Variants in EYA1 observed in about 807,000 individuals in gnomAD.
EYA1 encodes the protein EYA transcriptional coactivator and phosphatase 1.
Under a neutral mutation model 82.0 loss-of-function variants are expected in EYA1, and 16 were observed. The ratio of observed to expected loss-of-function variants is 0.20; its 90% CI spans 0.13 to 0.30. The LOEUF (loss-of-function observed/expected upper bound fraction) is 0.30, where lower values mean the gene tolerates loss of function less well. Among genes scored for constraint, EYA1 ranks in the 10% least tolerant of loss-of-function variants. EYA1 has a pLI of 1.00. For missense variants in EYA1, 633 were observed against 730.7 expected, an observed-to-expected ratio of 0.87 and a Z score of 1.54; for synonymous variants, 261 against 264.4, an observed-to-expected ratio of 0.99 and a Z score of 0.12.
chr8:71,532,217 C>T (rs1010557297), intron 2 of EYA1, among the ~76,000 whole-genome samples: 1 of 152,168 alleles, frequency 6.6e-6, no homozygotes, highest in Non-Finnish European at 1.5e-5. Flanking sequence ...TGCACACACC[C>T]TTGGAATGAA....
intron 11 of EYA1, among the ~76,000 whole-genome samples, chr8:71,259,748 T>A (rs1814879233): frequency 6.6e-6 from 1 of 152,208 alleles, no homozygotes; most frequent in African/African-American, 2.4e-5. Flanking sequence ...GTTGTTTATC[T>A]CTTTTGGGGC....
At chr8:71,231,917 C>T (rs568767764) in intron 12 of EYA1, among the ~76,000 whole-genome samples, 1 of 152,122 alleles carries the variant, frequency 6.6e-6, no homozygotes, top group East Asian at 1.9e-4. Flanking sequence ...TCAAAGAATA[C>T]AGTCAAGAAA....
chr8:71,246,438 T>C (rs1233343626), intron 11 of EYA1, among the ~76,000 whole-genome samples: 1 of 152,236 alleles, frequency 6.6e-6, no homozygotes, highest in Non-Finnish European at 1.5e-5. Context: ...GATTCGATAC[T>C]GCCCAATGTC....
intron 1 of EYA1, among the ~76,000 whole-genome samples, chr8:71,540,129 T>TAAA (rs5892287): frequency 5.9e-5 from 9 of 151,374 alleles, no homozygotes; most frequent in East Asian, 1.9e-4. Flanking sequence ...GTACATAAAA[T>TAAA]AAAAAAAAAT....
chr8:71,279,948 G>T (rs911289046), intron 9 of EYA1, among the ~76,000 whole-genome samples: 17 of 152,170 alleles, frequency 1.1e-4, no homozygotes, highest in African/African-American at 3.6e-4. Flanking sequence ...TGGGCCACAC[G>T]GTCTCTGTTG....
intron 2 of EYA1, among the ~76,000 whole-genome samples, chr8:71,395,942 G>T (rs774552227): frequency 1.1e-4 from 16 of 152,098 alleles, no homozygotes; most frequent in Non-Finnish European, 2.1e-4. Context: ...TGGTTGGTAG[G>T]CTATTAATTA....
chr8:71,522,372 C>T (rs545762271), intron 2 of EYA1, among the ~76,000 whole-genome samples: 10 of 152,270 alleles, frequency 6.6e-5, no homozygotes, highest in South Asian at 4.1e-4. Context: ...TATCACCAAG[C>T]AGTAATGAGC....
intron 2 of EYA1, among the ~76,000 whole-genome samples, chr8:71,495,481 G>T (rs1212110508): frequency 6.6e-6 from 1 of 152,002 alleles, no homozygotes; most frequent in African/African-American, 2.4e-5. Context: ...AGACCTGGTG[G>T]CGTGCCTGTA....
chr8:71,504,792 G>C (rs1812066203), intron 2 of EYA1, among the ~76,000 whole-genome samples: 1 of 151,848 alleles, frequency 6.6e-6, no homozygotes, highest in African/African-American at 2.4e-5. Flanking sequence ...GCTTTTTGCT[G>C]TTGTTTTGTT....
chr8:71,254,584 A>G (rs1814169731), intron 11 of EYA1, among the ~76,000 whole-genome samples: 1 of 152,202 alleles, frequency 6.6e-6, no homozygotes, highest in African/African-American at 2.4e-5. Context: ...CCAGCAAAAT[A>G]AAGCTCATAT....
intron 2 of EYA1, among the ~76,000 whole-genome samples, chr8:71,508,884 A>G (rs1486700079): frequency 6.6e-6 from 1 of 152,200 alleles, no homozygotes; most frequent in Non-Finnish European, 1.5e-5. Context: ...ACTAAATAAC[A>G]AGGCCAAAAT....
chr8:71,397,190 G>A (rs1266520537), intron 2 of EYA1, among the ~76,000 whole-genome samples: 1 of 152,112 alleles, frequency 6.6e-6, no homozygotes, highest in African/African-American at 2.4e-5. Context: ...GTCTCTGCAT[G>A]TGAGATGGGT....
At chr8:71,528,540 C>A (rs1813990818) in intron 2 of EYA1, among the ~76,000 whole-genome samples, 1 of 152,176 alleles carries the variant, frequency 6.6e-6, no homozygotes, top group South Asian at 2.1e-4. Flanking sequence ...GCCAGCCTTG[C>A]CTGTTCAAAT....
At chr8:71,539,471 TG>T (rs1407547966) in intron 1 of EYA1, among the ~76,000 whole-genome samples, 1 of 152,148 alleles carries the variant, frequency 6.6e-6, no homozygotes, top group Non-Finnish European at 1.5e-5. Context: ...GGGCATCTGT[TG>T]CTGAGCAGAA....
intron 2 of EYA1, among the ~76,000 whole-genome samples, chr8:71,520,800 T>C (rs1409322778): frequency 6.6e-6 from 1 of 152,142 alleles, no homozygotes; most frequent in Admixed American, 6.6e-5. Context: ...GTGACTTTTT[T>C]TACATTCAAA....
At chr8:71,220,643 A>T (rs1809780086) in intron 12 of EYA1, among the ~76,000 whole-genome samples, 2 of 152,240 alleles carry the variant, frequency 1.3e-5, no homozygotes, top group African/African-American at 4.8e-5. Context: ...CTGCCTTGAA[A>T]CTAACATTCT....
rs35272457 is a variant in EYA1, at chr8:71,265,167, G to GTT, written c.1050+4571_1050+4572dup. On this transcript the variant is annotated intron_variant, in intron 11 of 17. Transcript: ENST00000340726. ...GAATTCAAGTTTTTGTTTTTGTTTT[G>GTT]TTTTTTTTTGATAGTGAAGCTTCAC... Among the ~76,000 whole-genome samples, 531 of 150,854 alleles carry GTT rather than the reference G, an allele frequency of 3.5e-3. 4 individuals carry two copies. The highest frequency in any genetic ancestry group is 0.017 in the South Asian group (81 of 4,754).
intron 7 of EYA1, among the ~76,000 whole-genome samples, chr8:71,311,952 T>C (rs1462057548): frequency 1.3e-5 from 2 of 152,190 alleles, no homozygotes; most frequent in African/African-American, 4.8e-5. Context: ...TGTTGAAAGT[T>C]GGAGCTGAAA....
At position 71,330,690 on chromosome 8, in the gene EYA1, C is replaced by A. The variant is rs1042711577; in HGVS notation, c.202+3407G>T. 9.8e-5 allele frequency among the ~76,000 whole-genome samples: 15 copies of A among 152,318 alleles called. No homozygotes were observed. In the East Asian group the frequency reaches 2.9e-3, roughly 29 times the overall value. On this transcript the variant is annotated intron_variant, in intron 4 of 17. Transcript: ENST00000340726. ...GACAAGGATAAAGTTCATCCATCTA[C>A]TGAAACTGCCACAGGCTAATCCATT...
Sources: allele counts gnomAD v4.1 joint callset (sites outside exome capture counted in the v4.1 genomes callset), GRCh38; gene constraint gnomAD v4.1.1; transcripts MANE v1.5; gene names NCBI Gene and HGNC (gene_info 2026-07-23, HGNC 2026-07-21).